PARP1: variants seen among roughly 807,000 people sequenced by gnomAD.
PARP1 encodes the protein poly [ADP-ribose] polymerase 1.
In PARP1, 44 loss-of-function variants were observed where a neutral mutation model predicts 118.7. The observed-to-expected ratio is 0.37, with a 90% CI of 0.29 to 0.48. The LOEUF is 0.48. PARP1 is among the 20% of genes least tolerant of loss of function. PARP1 has a pLI of 0.99. For missense variants in PARP1, 1,100 were observed against 1,272.4 expected, an observed-to-expected ratio of 0.86 and a Z score of 2.06; for synonymous variants, 492 against 483.2, an observed-to-expected ratio of 1.02 and a Z score of -0.24.
At chr1:226,396,441 G>GT in intron 2 of PARP1, among the ~76,000 whole-genome samples, 1 of 146,342 alleles carries the variant, frequency 6.8e-6, no homozygotes, top group Non-Finnish European at 1.5e-5. Flanking sequence ...AGTAAGAAAA[G>GT]TGATACTTAG....
Position 226,360,895 on chromosome 1 carries a change from A to T in PARP1, c.*565T>A, listed in dbSNP as rs34588544. On this transcript the variant is annotated 3_prime_UTR_variant, in exon 23 of 23. Coordinates refer to ENST00000366794, the MANE Select transcript of PARP1 (RefSeq NM_001618.4). ...GCTCTTTTTGTTTCTAAGTATGAGAAATTGTTAGCGTTCCTTCCTTTGGTC... is the reference window on the plus strand; with the variant it reads ...GCTCTTTTTGTTTCTAAGTATGAGATATTGTTAGCGTTCCTTCCTTTGGTC... The T allele has an allele frequency of 8.8e-6, 2 of 226,438 alleles. No homozygotes were observed. The highest frequency in any genetic ancestry group is 1.8e-5 in the Non-Finnish European group (2 of 113,914). 14.0% of individuals were successfully genotyped at this position (226,438 alleles called of 1,614,324 possible). A position where few individuals can be genotyped will look rare whatever the true frequency, so the allele number is the denominator to read the frequency against.
rs377231366 is a variant in PARP1, at chr1:226,386,304, A to C, written c.834+22T>G. On this transcript the variant is annotated intron_variant, in intron 6 of 22. Transcript: ENST00000366794. ...GGGGTCGGCCTCACATGCGTGTCCCACTTAACACAAAGGCAGCTCACCGCC... is the reference window on the plus strand; with the variant it reads ...GGGGTCGGCCTCACATGCGTGTCCCCCTTAACACAAAGGCAGCTCACCGCC... 7.5e-6 allele frequency: 11 copies of C among 1,461,880 alleles called. No individual in the cohort carries two copies. The African/African-American group carries it at 1.5e-4, about 20-fold the overall frequency. The allele number at this position is 1,461,880 out of a possible 1,614,324, so 90.6% of individuals were successfully genotyped here.
At chr1:226,363,025 A>G (rs1664181349) in intron 21 of PARP1, 74 bp downstream of exon 21, 1 of 1,021,086 alleles carries the variant, frequency 9.8e-7, no homozygotes, top group Admixed American at 1.7e-5. Flanking sequence ...CAGCCTTCTC[A>G]GGACAGCAAG....
intron 2 of PARP1, among the ~76,000 whole-genome samples, chr1:226,395,903 G>A (rs1664906999): frequency 6.6e-6 from 1 of 152,152 alleles, no homozygotes; most frequent in Non-Finnish European, 1.5e-5. Flanking sequence ...AAGCAACAGC[G>A]GTCATGAGGG....
chr1:226,376,279 G>A (rs1378208935), intron 13 of PARP1, among the ~76,000 whole-genome samples: 1 of 152,098 alleles, frequency 6.6e-6, no homozygotes, highest in Non-Finnish European at 1.5e-5. Flanking sequence ...TTTTAAAAAG[G>A]CAAGCATTTT....
rs752617508 is a variant in PARP1, at chr1:226,392,372, G to C, written c.287-58C>G. 8.8e-4 allele frequency: 1,088 copies of C among 1,232,274 alleles called. 2 individuals are homozygous for C. Among genetic ancestry groups the C allele is most frequent in the Non-Finnish European group, 1.2e-3 (1,001 of 833,220 alleles). 76.3% of individuals were successfully genotyped at this position (1,232,274 alleles called of 1,614,324 possible). A position where few individuals can be genotyped will look rare whatever the true frequency, so the allele number is the denominator to read the frequency against. ...CAACAGCCCCAAAATGCAGCTCAGAGGAGCCCCGTCCTCTTCTACCTCCCC... is the reference window on the plus strand; with the variant it reads ...CAACAGCCCCAAAATGCAGCTCAGACGAGCCCCGTCCTCTTCTACCTCCCC... On this transcript the variant is annotated intron_variant, in intron 2 of 22. Transcript: ENST00000366794.
intron 21 of PARP1, among the ~76,000 whole-genome samples, chr1:226,362,686 C>T (rs1012049129): frequency 6.6e-6 from 1 of 152,152 alleles, no homozygotes; most frequent in African/African-American, 2.4e-5. Flanking sequence ...TACTATGTCA[C>T]GAGAGGTCCC....
chr1:226,361,660 T>C (rs984927418), intron 22 of PARP1, 119 bp from the exon 23 acceptor site: 18 of 781,302 alleles, frequency 2.3e-5, no homozygotes, highest in Middle Eastern at 4.5e-4. Context: ...CTAAGGCCTC[T>C]TCATGGGGCT....
At chr1:226,397,281 G>A (rs1193322153) in intron 2 of PARP1, among the ~76,000 whole-genome samples, 3 of 152,056 alleles carry the variant, frequency 2.0e-5, no homozygotes, top group South Asian at 2.1e-4. Context: ...AGATCATGCC[G>A]GTACATTCCA....
At chr1:226,377,383 C>T in intron 12 of PARP1, 80 bp from the exon 13 acceptor site, 1 of 1,076,680 alleles carries the variant, frequency 9.3e-7, no homozygotes. Flanking sequence ...CCTGCCATTA[C>T]ATTCACGTGG....
rs1036396231 is a variant in PARP1 at position 226,360,933 on chromosome 1, TCAC to T, written c.*524_*526del. 2.0e-4 allele frequency: 46 copies of T among 228,768 alleles called. No homozygotes were observed. The highest frequency in any genetic ancestry group is 1.0e-3 in the African/African-American group (45 of 44,732). The allele number at this position is 228,768 out of a possible 1,614,324, so 14.2% of individuals were successfully genotyped here. A position where few individuals can be genotyped will look rare whatever the true frequency, so the allele number is the denominator to read the frequency against. ...CCTTCCTTTGGTCTTCCCACACCCC[TCAC>T]CACAAGAGGCAAACAAAAAAAACTA... is the stretch of plus-strand genomic sequence containing the variant. On this transcript the variant is annotated 3_prime_UTR_variant, in exon 23 of 23. Transcript: ENST00000366794.
chr1:226,374,361 GAA>G lies in PARP1; in HGVS notation c.1942-9_1942-8del. ...TCTTCACTGCCTCTTCATCCTTCAG[GAA>G]AAAAGCACATTGCTAAGAGACCCAA... On this transcript the variant is annotated splice_polypyrimidine_tract_variant and splice_region_variant and intron_variant, in intron 13 of 22. Coordinates refer to ENST00000366794, the MANE Select transcript of PARP1 (RefSeq NM_001618.4). The G allele has an allele frequency of 6.2e-7, 1 of 1,614,052 alleles. No individual in the cohort carries two copies. The highest frequency in any genetic ancestry group is 8.5e-7 in the Non-Finnish European group (1 of 1,180,010).
intron 2 of PARP1, chr1:226,392,751 A>G: frequency 3.5e-6 from 2 of 578,796 alleles, no homozygotes; most frequent in Non-Finnish European, 5.9e-6. Flanking sequence ...GTCAGACACA[A>G]GTATATGTAA....
chr1:226,370,306 C>A lies in PARP1; in HGVS notation c.2154+128G>T, dbSNP rs2271350. The stretch of plus-strand genomic sequence containing the variant: ...TTGAACTGAAAAAAATCGAAACCCT[C>A]GTGAAGTGCAGTTCAGTACTTCCAG... On this transcript the variant is annotated intron_variant, in intron 15 of 22. Transcript: ENST00000366794. 5.3e-5 allele frequency: 41 copies of A among 774,806 alleles called. No individual in the cohort carries two copies. The East Asian group carries it at 9.8e-4, about 19-fold the overall frequency. 48.0% of individuals were successfully genotyped at this position (774,806 alleles called of 1,614,324 possible). A position where few individuals can be genotyped will look rare whatever the true frequency, so the allele number is the denominator to read the frequency against.
Position 226,367,686 on chromosome 1 carries a change from T to C in PARP1, c.2278-78A>G, listed in dbSNP as rs1479391818. 2.6e-6 allele frequency: 4 copies of C among 1,546,464 alleles called. No individual in the cohort carries two copies. In the African/African-American group the frequency reaches 5.4e-5, roughly 21 times the overall value. On this transcript the variant is annotated intron_variant, in intron 16 of 22. Coordinates refer to ENST00000366794, the MANE Select transcript of PARP1 (RefSeq NM_001618.4). ...ACTCACCCAGGTGGCAGAGAAAACC[T>C]ACATGCAGAGAAGGTCCAACACAGT...
intron 18 of PARP1, among the ~76,000 whole-genome samples, chr1:226,365,355 T>C (rs1407169670): frequency 1.3e-5 from 2 of 152,246 alleles, no homozygotes; most frequent in African/African-American, 2.4e-5. Context: ...CAGCCATTGC[T>C]GGTTAGTATT....
At chr1:226,362,691 G>C (rs1664167642) in intron 21 of PARP1, among the ~76,000 whole-genome samples, 1 of 152,180 alleles carries the variant, frequency 6.6e-6, no homozygotes, top group African/African-American at 2.4e-5. Context: ...TGTCACGAGA[G>C]GTCCCTCACT....
At chr1:226,377,361 G>T (rs3219088) in intron 12 of PARP1, 58 bp from the exon 13 acceptor site, 19,419 of 1,341,780 alleles carry the variant, frequency 0.014, 190 homozygotes, top group Non-Finnish European at 0.018. Flanking sequence ...CCCATTTCAG[G>T]AGCTCCCCTT....
At chr1:226,396,428 T>C (rs1375749990) in intron 2 of PARP1, among the ~76,000 whole-genome samples, 2 of 119,128 alleles carry the variant, frequency 1.7e-5, no homozygotes, top group Non-Finnish European at 3.5e-5. Context: ...AAAAAAAAAA[T>C]CAAGTAAGAA....
Sources: allele counts gnomAD v4.1 joint callset (sites outside exome capture counted in the v4.1 genomes callset), GRCh38; gene constraint gnomAD v4.1.1; transcripts MANE v1.5; gene names NCBI Gene and HGNC (gene_info 2026-07-23, HGNC 2026-07-21).